ACSL4: variants seen among roughly 807,000 people sequenced by gnomAD.
ACSL4 encodes acyl-CoA synthetase long chain family member 4.
A neutral mutation model predicts 49.1 loss-of-function variants in ACSL4; 9 were observed. That is an observed-to-expected ratio of 0.18 (90% CI 0.11 to 0.32). ACSL4 has a LOEUF of 0.32. Among genes scored for constraint, ACSL4 ranks in the 10% least tolerant of loss-of-function variants. The probability of loss-of-function intolerance (pLI) is 1.00; values close to 1 mark genes in which losing one functional copy is unlikely to be tolerated. For missense variants in ACSL4, 333 were observed against 493.7 expected, an observed-to-expected ratio of 0.67 and a Z score of 3.08; for synonymous variants, 191 against 170.3, an observed-to-expected ratio of 1.12 and a Z score of -0.95.
At chrX:109,682,920 A>G (rs1228437051) in intron 3 of ACSL4, 24 bp from the exon 4 acceptor site, 1 of 1,170,123 alleles carries the variant, frequency 8.5e-7, no homozygotes, top group Non-Finnish European at 1.2e-6. Context: ...ACATTCTCTA[A>G]TATTAGTATA....
intron 14 of ACSL4, among the ~76,000 whole-genome samples, chrX:109,660,884 A>T (rs1922117355): frequency 9.0e-6 from 1 of 110,649 alleles, no homozygotes; most frequent in African/African-American, 3.3e-5. Context: ...GAGAAGTCAA[A>T]TTCATAGAAA....
At chrX:109,701,906 TAA>T (rs772972889) in intron 1 of ACSL4, among the ~76,000 whole-genome samples, 9 of 80,039 alleles carry the variant, frequency 1.1e-4, no homozygotes, top group East Asian at 4.3e-4. Flanking sequence ...CAACTTGCTT[TAA>T]AAAAAAAAAA....
intron 2 of ACSL4, among the ~76,000 whole-genome samples, chrX:109,686,761 C>T (rs889587213): frequency 9.3e-6 from 1 of 107,373 alleles, no homozygotes; most frequent in Admixed American, 9.9e-5. Flanking sequence ...TTAGTACAGA[C>T]ACACACACAC....
intron 1 of ACSL4, among the ~76,000 whole-genome samples, chrX:109,702,259 C>T (rs1324079753): frequency 9.0e-6 from 1 of 111,679 alleles, no homozygotes; most frequent in Non-Finnish European, 1.9e-5. Context: ...GACTCTCTTA[C>T]ATGTCTTTCC....
chrX:109,646,709 TA>T (rs1469755313), intron 15 of ACSL4, among the ~76,000 whole-genome samples: 2 of 110,955 alleles, frequency 1.8e-5, no homozygotes, highest in Admixed American at 1.9e-4. Context: ...ATGCTCCAAT[TA>T]AAAGACACAG....
At chrX:109,673,362 C>T (rs752578082) in intron 9 of ACSL4, among the ~76,000 whole-genome samples, 1 of 111,578 alleles carries the variant, frequency 9.0e-6, no homozygotes, top group East Asian at 2.8e-4. Context: ...GTAACAGGGC[C>T]CACCTTGCAG....
Position 109,683,140 on chromosome X carries a change from T to G in ACSL4, c.224A>C (p.Lys75Thr), listed in dbSNP as rs1368073749. 8.3e-7 allele frequency: 1 copy of G among 1,209,197 alleles called. No individual in the cohort carries two copies. The highest frequency in any genetic ancestry group is 2.2e-5 in the Admixed American group (1 of 45,994). ...AAAAGCACCAAAATACTTTACCTTC[T>G]TAAAAACTTTTCCATTTGGCTGCAT... The part of the protein sequence containing the change: ...NEMQPNGKVF[K>T]KLILGNYKWM... Residue 75 changes from lysine (K) to threonine (T), a missense_variant, in exon 3 of 16, where the codon AAG becomes ACG. By Grantham distance (78) the Lys-to-Thr change is moderately conservative. Coordinates refer to ENST00000672401, the MANE Select transcript of ACSL4 (RefSeq NM_001318510.2).
At chrX:109,732,959 G>A (rs1928588614) in intron 1 of ACSL4, 180 bp downstream of exon 1, 4 of 321,290 alleles carry the variant, frequency 1.2e-5, no homozygotes, top group Admixed American at 6.4e-5. Flanking sequence ...CCCCAGCGGA[G>A]GCGAGCGGAT....
At chrX:109,680,934 C>T (rs1924113648) in intron 6 of ACSL4, 64 bp downstream of exon 6, 2 of 1,133,496 alleles carry the variant, frequency 1.8e-6, no homozygotes. Context: ...CATTTGTTTC[C>T]CTAACCTACC....
chrX:109,676,494 GGCC>G (rs1378364234), intron 8 of ACSL4, among the ~76,000 whole-genome samples: 1 of 111,158 alleles, frequency 9.0e-6, no homozygotes, highest in Non-Finnish European at 1.9e-5. Context: ...ACAACAGCTG[GGCC>G]CCCAGTGTTG....
At position 109,682,849 on chromosome X, in the gene ACSL4, G is replaced by A. The variant is rs1924280485; in HGVS notation, c.276C>T (p.Arg92=). The A allele has an allele frequency of 1.7e-6, 2 of 1,209,510 alleles. No individual in the cohort carries two copies. The highest frequency in any genetic ancestry group is 2.2e-5 in the Admixed American group (1 of 45,742). ...YKWMNYLEVN[R]RVNNFGSGLT... ...GTCCACTACCAAAGTTATTCACTCT[G>A]CGATTCACTTCAAGATAGTTCATCC... The change falls in exon 4 of 16, where the codon CGC becomes CGT. Residue 92 remains arginine, a synonymous_variant. Transcript: ENST00000672401.
chrX:109,654,230 G>A (rs926250363), intron 15 of ACSL4, among the ~76,000 whole-genome samples: 2 of 110,333 alleles, frequency 1.8e-5, no homozygotes, highest in African/African-American at 6.6e-5. Flanking sequence ...GAAAAACTTC[G>A]ATTATGTTGA....
At chrX:109,645,433 G>C (rs1402824075) in intron 15 of ACSL4, among the ~76,000 whole-genome samples, 1 of 102,327 alleles carries the variant, frequency 9.8e-6, no homozygotes, top group Non-Finnish European at 2.0e-5. Flanking sequence ...ACACGGCCGG[G>C]TACTCCAACA....
At chrX:109,701,796 G>A (rs146546147) in intron 1 of ACSL4, among the ~76,000 whole-genome samples, 1,223 of 98,642 alleles carry the variant, frequency 0.012, 10 homozygotes, top group Non-Finnish European at 0.019. Flanking sequence ...CGCCCACCTC[G>A]GCCTCCCAAA....
At chrX:109,645,617 C>G (rs1349333708) in intron 15 of ACSL4, among the ~76,000 whole-genome samples, 1 of 112,266 alleles carries the variant, frequency 8.9e-6, no homozygotes, top group African/African-American at 3.2e-5. Context: ...CAGAGCGCCT[C>G]TCCTCCTCCA....
intron 15 of ACSL4, among the ~76,000 whole-genome samples, chrX:109,644,999 C>T (rs769732203): frequency 4.4e-5 from 5 of 112,982 alleles, no homozygotes; most frequent in East Asian, 2.8e-4. Context: ...GATTATAGCC[C>T]GCACCTGGCT....
intron 8 of ACSL4, 111 bp from the exon 9 acceptor site, chrX:109,674,584 G>A: frequency 3.6e-6 from 2 of 550,033 alleles, no homozygotes; most frequent in East Asian, 3.6e-5. Flanking sequence ...AGCTTTTATT[G>A]CTCTGTGATT....
At chrX:109,658,804 A>G (rs1921920953) in intron 15 of ACSL4, among the ~76,000 whole-genome samples, 1 of 111,793 alleles carries the variant, frequency 8.9e-6, no homozygotes, top group African/African-American at 3.3e-5. Context: ...ATTGCTGTTA[A>G]GATTGTTGTC....
intron 1 of ACSL4, among the ~76,000 whole-genome samples, chrX:109,729,761 A>G (rs1170930476): frequency 1.8e-5 from 2 of 112,635 alleles, no homozygotes; most frequent in Non-Finnish European, 3.7e-5. Flanking sequence ...ATTATGGAAT[A>G]CTACTCAGCA....
Sources: allele counts gnomAD v4.1 joint callset (sites outside exome capture counted in the v4.1 genomes callset), GRCh38; gene constraint gnomAD v4.1.1; transcripts MANE v1.5; gene names NCBI Gene and HGNC (gene_info 2026-07-23, HGNC 2026-07-21).